The following TMTC2 variants were observed in gnomAD, a reference collection of about 807,000 sequenced individuals.
TMTC2 encodes the protein transmembrane O-mannosyltransferase targeting cadherins 2.
TMTC2 carries 43 observed loss-of-function variants against 82.4 expected under a neutral mutation model. The ratio of observed to expected loss-of-function variants is 0.52; its 90% CI spans 0.41 to 0.67. TMTC2 has a LOEUF of 0.67. Ranked by LOEUF, TMTC2 falls within the 30% of genes least tolerant of loss-of-function variation. The pLI is 0.00. For synonymous variants in TMTC2, 408 were observed against 381.9 expected (o/e 1.07, Z -0.80); for missense variants, 919 against 1,012.4 (o/e 0.91, Z 1.25).
intron 10 of TMTC2, among the ~76,000 whole-genome samples, chr12:83,061,179 C>T (rs1006394999): frequency 7.2e-5 from 11 of 151,752 alleles, no homozygotes; most frequent in Admixed American, 3.3e-4. Flanking sequence ...TCCTAAGTAA[C>T]GAGAACATCC....
At chr12:82,876,162 G>GATTA (rs1872563132) in intron 2 of TMTC2, among the ~76,000 whole-genome samples, 1 of 142,666 alleles carries the variant, frequency 7.0e-6, no homozygotes, top group African/African-American at 2.9e-5. Flanking sequence ...TGGTAGTGGT[G>GATTA]GTAGTGTTGT....
chr12:82,814,337 A>C (rs1345652435), intron 1 of TMTC2, among the ~76,000 whole-genome samples: 2 of 152,184 alleles, frequency 1.3e-5, no homozygotes, highest in African/African-American at 4.8e-5. Context: ...GAGGCATAAA[A>C]GAATGAGATG....
chr12:82,740,368 A>C (rs184278598), intron 1 of TMTC2, among the ~76,000 whole-genome samples: 2 of 152,256 alleles, frequency 1.3e-5, no homozygotes, highest in East Asian at 3.9e-4. Flanking sequence ...AAACAGATAA[A>C]TCCCTGCCTC....
At chr12:83,021,385 A>T (rs1880916406) in intron 8 of TMTC2, among the ~76,000 whole-genome samples, 1 of 152,062 alleles carries the variant, frequency 6.6e-6, no homozygotes, top group Non-Finnish European at 1.5e-5. Flanking sequence ...AGTCTTTCCC[A>T]TGTGAATAAA....
intron 1 of TMTC2, among the ~76,000 whole-genome samples, chr12:82,786,518 C>T (rs188496368): frequency 5.3e-5 from 8 of 152,112 alleles, no homozygotes; most frequent in South Asian, 4.1e-4. Flanking sequence ...ATTACTTCTC[C>T]GGCTGGTATT....
chr12:82,817,432 C>A (rs1868808077), intron 1 of TMTC2, among the ~76,000 whole-genome samples: 1 of 151,898 alleles, frequency 6.6e-6, no homozygotes, highest in African/African-American at 2.4e-5. Flanking sequence ...TTCAGTTGTT[C>A]TTTTTGGTAC....
chr12:83,058,383 C>A (rs1468151512), intron 10 of TMTC2, among the ~76,000 whole-genome samples: 1 of 151,810 alleles, frequency 6.6e-6, no homozygotes, highest in Non-Finnish European at 1.5e-5. Flanking sequence ...CTTGGGAATT[C>A]AGGGTTTACT....
At chr12:82,872,971 A>C (rs2137139845) in intron 2 of TMTC2, among the ~76,000 whole-genome samples, 1 of 152,324 alleles carries the variant, frequency 6.6e-6, no homozygotes, top group South Asian at 2.1e-4. Flanking sequence ...AAAATATATG[A>C]ATATTTACAG....
At chr12:83,122,252 C>G (rs1421580232) in intron 11 of TMTC2, among the ~76,000 whole-genome samples, 1 of 151,766 alleles carries the variant, frequency 6.6e-6, no homozygotes, top group Non-Finnish European at 1.5e-5. Flanking sequence ...CACCTCCCAG[C>G]TATGAAAGCA....
chr12:82,815,011 A>C (rs1868610199), intron 1 of TMTC2, among the ~76,000 whole-genome samples: 1 of 152,110 alleles, frequency 6.6e-6, no homozygotes, highest in Admixed American at 6.6e-5. Context: ...ACCATATGAC[A>C]TCAGGACATT....
intron 9 of TMTC2, 26 bp downstream of exon 9, chr12:83,030,905 A>G (rs1592705126): frequency 6.5e-7 from 1 of 1,532,652 alleles, no homozygotes; most frequent in South Asian, 1.1e-5. Context: ...TTTTTTTTCC[A>G]TGTCCCCCAC....
intron 9 of TMTC2, among the ~76,000 whole-genome samples, chr12:83,047,721 A>G (rs546716778): frequency 1.3e-5 from 2 of 152,342 alleles, no homozygotes; most frequent in South Asian, 2.1e-4. Flanking sequence ...CATTTACCCT[A>G]CTAAAAATTA....
chr12:82,880,081 A>G (rs1872750522), intron 2 of TMTC2, among the ~76,000 whole-genome samples: 1 of 152,208 alleles, frequency 6.6e-6, no homozygotes, highest in Non-Finnish European at 1.5e-5. Context: ...GCATTTGTTT[A>G]GATTGTTGAA....
intron 1 of TMTC2, among the ~76,000 whole-genome samples, chr12:82,802,962 A>T (rs1200326323): frequency 6.6e-6 from 1 of 152,144 alleles, no homozygotes; most frequent in Non-Finnish European, 1.5e-5. Context: ...TATTAATGAA[A>T]GTCGGAATGT....
chr12:82,924,540 G>A (rs998335685), intron 3 of TMTC2, among the ~76,000 whole-genome samples: 6 of 152,188 alleles, frequency 3.9e-5, no homozygotes, highest in African/African-American at 1.4e-4. Context: ...AGGCATCTAG[G>A]GCAATTACTT....
intron 1 of TMTC2, among the ~76,000 whole-genome samples, chr12:82,834,392 G>T (rs1004287619): frequency 6.6e-6 from 1 of 152,172 alleles, no homozygotes; most frequent in Admixed American, 6.5e-5. Flanking sequence ...CTCTGTTTGT[G>T]AATATCCAGT....
intron 8 of TMTC2, among the ~76,000 whole-genome samples, chr12:82,988,185 G>A (rs1005939623): frequency 1.2e-4 from 18 of 152,272 alleles, no homozygotes; most frequent in African/African-American, 3.8e-4. Flanking sequence ...AATGGGAAGA[G>A]AGATTTCAGT....
At chr12:82,744,452 C>T (rs993799488) in intron 1 of TMTC2, among the ~76,000 whole-genome samples, 2 of 151,902 alleles carry the variant, frequency 1.3e-5, no homozygotes, top group Non-Finnish European at 2.9e-5. Context: ...CATGGTGGCA[C>T]ACAGCTGTTG....
At chr12:82,788,939 A>G (rs977703670) in intron 1 of TMTC2, among the ~76,000 whole-genome samples, 9 of 152,106 alleles carry the variant, frequency 5.9e-5, no homozygotes, top group African/African-American at 2.2e-4. Context: ...GCCAAAGCAG[A>G]GGACCACTTG....
Sources: gnomAD v4.1 joint callset for allele counts (sites outside exome capture counted in the v4.1 genomes callset) on GRCh38, gnomAD v4.1.1 for gene constraint, MANE v1.5 for transcripts, NCBI Gene and HGNC (gene_info 2026-07-23, HGNC 2026-07-21) for gene names.